KLHL32: variants seen among roughly 807,000 people sequenced by gnomAD.
The protein encoded by KLHL32 is kelch like family member 32.
KLHL32 carries 35 observed loss-of-function variants against 64.8 expected under a neutral mutation model. The observed-to-expected ratio is 0.54, with a 90% CI of 0.41 to 0.72. The LOEUF (loss-of-function observed/expected upper bound fraction) is 0.72. Among genes scored for constraint, KLHL32 ranks in the 30% least tolerant of loss-of-function variants. The probability of loss-of-function intolerance (pLI) is 0.00; values close to 1 mark genes in which losing one functional copy is unlikely to be tolerated. For missense variants in KLHL32, 589 were observed against 768.5 expected, an observed-to-expected ratio of 0.77 and a Z score of 2.76; for synonymous variants, 259 against 281.0, an observed-to-expected ratio of 0.92 and a Z score of 0.78.
At chr6:97,118,800 G>T (rs549080558) in intron 7 of KLHL32, among the ~76,000 whole-genome samples, 6 of 152,138 alleles carry the variant, frequency 3.9e-5, no homozygotes, top group Admixed American at 6.5e-5. Context: ...GTCCTGTTCC[G>T]GGATAGTGCT....
chr6:97,112,196 A>G (rs1317771443), intron 6 of KLHL32, among the ~76,000 whole-genome samples: 2 of 152,166 alleles, frequency 1.3e-5, no homozygotes, highest in African/African-American at 4.8e-5. Context: ...GTCCCTATCA[A>G]AATTATTTAA....
chr6:97,058,289 T>C (rs965091717), intron 4 of KLHL32, among the ~76,000 whole-genome samples: 11 of 152,212 alleles, frequency 7.2e-5, no homozygotes, highest in African/African-American at 2.4e-4. Flanking sequence ...AACTGTGGGA[T>C]TTTGAATAAG....
At chr6:97,055,801 A>AAAAAAG (rs1562286321) in intron 4 of KLHL32, among the ~76,000 whole-genome samples, 1 of 87,328 alleles carries the variant, frequency 1.1e-5, no homozygotes, top group Non-Finnish European at 2.1e-5. Flanking sequence ...CTGTCTAAAA[A>AAAAAAG]AAAAAAAAAA....
intron 1 of KLHL32, among the ~76,000 whole-genome samples, chr6:96,957,298 C>T (rs1489254625): frequency 6.6e-6 from 1 of 152,010 alleles, no homozygotes; most frequent in African/African-American, 2.4e-5. Flanking sequence ...TTTCTATTTG[C>T]TAAAAGGCAA....
intron 3 of KLHL32, among the ~76,000 whole-genome samples, chr6:96,996,536 A>AT (rs1424653956): frequency 6.6e-6 from 1 of 152,218 alleles, no homozygotes; most frequent in African/African-American, 2.4e-5. Context: ...TATTTGTTAC[A>AT]TACCTACCAT....
chr6:97,083,745 A>G (rs1792950546), intron 5 of KLHL32, among the ~76,000 whole-genome samples: 1 of 152,284 alleles, frequency 6.6e-6, no homozygotes, highest in African/African-American at 2.4e-5. Context: ...ATTACTTTTT[A>G]TAACTAGAAA....
chr6:97,115,049 C>G (rs1797674061), intron 7 of KLHL32, among the ~76,000 whole-genome samples: 1 of 152,198 alleles, frequency 6.6e-6, no homozygotes, highest in Non-Finnish European at 1.5e-5. Context: ...GGGTCTCACT[C>G]TTGTTACCCA....
At chr6:97,083,636 A>G (rs537820751) in intron 5 of KLHL32, among the ~76,000 whole-genome samples, 46 of 152,360 alleles carry the variant, frequency 3.0e-4, no homozygotes, top group African/African-American at 9.9e-4. Flanking sequence ...AGAAGTATAT[A>G]TACAAAAACA....
chr6:97,128,341 A>G (rs915447939), intron 8 of KLHL32, among the ~76,000 whole-genome samples: 5 of 152,210 alleles, frequency 3.3e-5, no homozygotes, highest in Non-Finnish European at 5.9e-5. Flanking sequence ...TAGAAGCTGT[A>G]GATTTCAGAG....
chr6:96,938,306 G>A (rs1770860139), intron 1 of KLHL32, among the ~76,000 whole-genome samples: 1 of 152,172 alleles, frequency 6.6e-6, no homozygotes, highest in African/African-American at 2.4e-5. Flanking sequence ...AGGCTCACCA[G>A]CATCAGGATC....
At position 96,976,387 on chromosome 6, in the gene KLHL32, A is replaced by G. The variant is rs567279954; in HGVS notation, c.204+210A>G. On this transcript the variant is annotated intron_variant, in intron 3 of 10. Transcript: ENST00000369261. ...TGGATGTCCCTCCAATGTAGAACAG[A>G]CCTCCCTTGGCATCTGAGCCAAGGA... Among the ~76,000 whole-genome samples the G allele has an allele frequency of 2.5e-3, 372 of 151,664 alleles. 1 individual carries two copies. Among genetic ancestry groups the G allele is most frequent in the Non-Finnish European group, 3.3e-3 (225 of 67,912 alleles).
At chr6:96,979,435 A>T (rs1158237071) in intron 3 of KLHL32, among the ~76,000 whole-genome samples, 2 of 152,132 alleles carry the variant, frequency 1.3e-5, no homozygotes, top group African/African-American at 4.8e-5. Flanking sequence ...TTTGTCAAAG[A>T]TCAGATGGTT....
intron 3 of KLHL32, among the ~76,000 whole-genome samples, chr6:96,999,043 A>G (rs1446979254): frequency 6.6e-6 from 1 of 152,222 alleles, no homozygotes; most frequent in Non-Finnish European, 1.5e-5. Flanking sequence ...TTAAGGAGGC[A>G]TCTAATAGGC....
At chr6:97,071,814 C>G (rs1790772583) in intron 5 of KLHL32, among the ~76,000 whole-genome samples, 2 of 152,288 alleles carry the variant, frequency 1.3e-5, no homozygotes, top group East Asian at 1.9e-4. Context: ...CGGGTTGGGA[C>G]TATTTTTCCT....
chr6:96,965,815 C>G (rs1011972615), intron 1 of KLHL32, among the ~76,000 whole-genome samples: 1 of 151,850 alleles, frequency 6.6e-6, no homozygotes, highest in East Asian at 1.9e-4. Flanking sequence ...TTAGGTTTGT[C>G]CAGACTTAAG....
At chr6:96,964,944 C>T (rs996725421) in intron 1 of KLHL32, among the ~76,000 whole-genome samples, 1 of 152,132 alleles carries the variant, frequency 6.6e-6, no homozygotes, top group African/African-American at 2.4e-5. Flanking sequence ...GTTTGGGATA[C>T]GGATGATCCC....
At chr6:97,023,782 GCTAA>G (rs1255613211) in intron 3 of KLHL32, among the ~76,000 whole-genome samples, 1 of 152,180 alleles carries the variant, frequency 6.6e-6, no homozygotes, top group Non-Finnish European at 1.5e-5. Flanking sequence ...AAAATCCTTG[GCTAA>G]CTAATTGGGA....
At chr6:97,114,898 A>G (rs1029230754) in intron 7 of KLHL32, among the ~76,000 whole-genome samples, 2 of 152,228 alleles carry the variant, frequency 1.3e-5, no homozygotes, top group Admixed American at 6.5e-5. Flanking sequence ...CATCAAAGAC[A>G]AGGCAAGAGA....
intron 7 of KLHL32, among the ~76,000 whole-genome samples, chr6:97,127,044 A>G (rs146732913): frequency 9.0e-4 from 137 of 152,330 alleles, no homozygotes; most frequent in African/African-American, 3.0e-3. Flanking sequence ...AGAATTTTCC[A>G]TATAACTATG....
Sources: allele counts gnomAD v4.1 joint callset (sites outside exome capture counted in the v4.1 genomes callset), GRCh38; gene constraint gnomAD v4.1.1; transcripts MANE v1.5; gene names NCBI Gene and HGNC (gene_info 2026-07-23, HGNC 2026-07-21).